The following SGMS1 variants were observed in gnomAD, a reference collection of about 807,000 sequenced individuals.
The protein encoded by SGMS1 is phosphatidylcholine:ceramide cholinephosphotransferase 1.
A neutral mutation model predicts 46.2 loss-of-function variants in SGMS1; 13 were observed. The ratio of observed to expected loss-of-function variants is 0.28; its 90% CI spans 0.18 to 0.45. The LOEUF is 0.45. Ranked by LOEUF, SGMS1 falls within the 20% of genes least tolerant of loss-of-function variation. The pLI is 1.00. For missense variants in SGMS1, 324 were observed against 519.9 expected (o/e 0.62, Z 3.66); for synonymous variants, 203 against 187.8 (o/e 1.08, Z -0.66).
intron 5 of SGMS1, among the ~76,000 whole-genome samples, chr10:50,438,252 T>G (rs966809311): frequency 6.6e-6 from 1 of 152,198 alleles, no homozygotes; most frequent in South Asian, 2.1e-4. Flanking sequence ...TTGTAGCCAA[T>G]AGAATAAGGC....
intron 6 of SGMS1, among the ~76,000 whole-genome samples, chr10:50,425,292 A>G (rs1849310695): frequency 6.6e-6 from 1 of 152,142 alleles, no homozygotes; most frequent in Admixed American, 6.5e-5. Flanking sequence ...AGACAGATGC[A>G]TTTATATGTT....
At chr10:50,520,666 A>C (rs1837849674) in intron 2 of SGMS1, among the ~76,000 whole-genome samples, 1 of 152,152 alleles carries the variant, frequency 6.6e-6, no homozygotes, top group Admixed American at 6.5e-5. Context: ...TTCAACTTGA[A>C]CAGCAATATT....
At chr10:50,576,519 G>A (rs1317727882) in intron 2 of SGMS1, among the ~76,000 whole-genome samples, 3 of 152,154 alleles carry the variant, frequency 2.0e-5, no homozygotes, top group Admixed American at 2.0e-4. Context: ...AAAGCAGGGG[G>A]AGTCCCATAA....
chr10:50,599,706 T>C (rs1366568392), intron 1 of SGMS1, among the ~76,000 whole-genome samples: 1 of 151,884 alleles, frequency 6.6e-6, no homozygotes, highest in Non-Finnish European at 1.5e-5. Flanking sequence ...CTATTAAAAA[T>C]ACAAAAATTA....
chr10:50,412,466 A>G (rs1849114258), intron 6 of SGMS1, among the ~76,000 whole-genome samples: 1 of 152,140 alleles, frequency 6.6e-6, no homozygotes, highest in Non-Finnish European at 1.5e-5. Flanking sequence ...ACAAAAATTC[A>G]CACCATTAAG....
At chr10:50,315,989 C>T (rs1423061524) in intron 8 of SGMS1, among the ~76,000 whole-genome samples, 1 of 152,180 alleles carries the variant, frequency 6.6e-6, no homozygotes, top group Non-Finnish European at 1.5e-5. Context: ...CTATCAGGTA[C>T]ATTTAGAACC....
intron 6 of SGMS1, among the ~76,000 whole-genome samples, chr10:50,427,560 G>C (rs1043965401): frequency 3.6e-4 from 55 of 152,312 alleles, no homozygotes; most frequent in African/African-American, 1.1e-3. Context: ...GCTAAGGAAG[G>C]GGGGAAAGAG....
In SGMS1 at chr10:50,405,872, AAGAGATGAAC is replaced by A. The variant is rs1487192899; in HGVS notation, c.-232+27594_-232+27603del. Among the ~76,000 whole-genome samples the A allele has an allele frequency of 1.5e-4, 23 of 152,348 alleles. No homozygotes were observed. The East Asian group carries it at 4.4e-3, about 29-fold the overall frequency. On this transcript the variant is annotated intron_variant, in intron 6 of 10. Coordinates refer to ENST00000361781, the MANE Select transcript of SGMS1 (RefSeq NM_147156.4). The stretch of plus-strand genomic sequence containing the variant: ...ATATTCATGTATTTATCCAAGGTTT[AAGAGATGAAC>A]AGTAAAACTAAAATACTTAATCCTC...
intron 6 of SGMS1, among the ~76,000 whole-genome samples, chr10:50,389,410 T>C (rs968870855): frequency 6.6e-5 from 10 of 152,232 alleles, no homozygotes; most frequent in African/African-American, 1.9e-4. Context: ...CTTACCACCT[T>C]GTATCTGGGG....
chr10:50,543,685 C>T (rs1838075543), intron 2 of SGMS1, among the ~76,000 whole-genome samples: 1 of 152,176 alleles, frequency 6.6e-6, no homozygotes, highest in South Asian at 2.1e-4. Flanking sequence ...CCTTACGAAT[C>T]CCAAAAGCCA....
chr10:50,414,326 G>A, intron 6 of SGMS1, among the ~76,000 whole-genome samples: 1 of 152,166 alleles, frequency 6.6e-6, no homozygotes, highest in South Asian at 2.1e-4. Context: ...ACTGCTTGAG[G>A]TTGCAGTGAG....
At chr10:50,604,426 T>G (rs1838675953) in intron 1 of SGMS1, among the ~76,000 whole-genome samples, 1 of 152,170 alleles carries the variant, frequency 6.6e-6, no homozygotes, top group Admixed American at 6.5e-5. Flanking sequence ...ATGCACAACA[T>G]ATAACAGACT....
chr10:50,595,334 C>G (rs1375848228), intron 1 of SGMS1, among the ~76,000 whole-genome samples: 2 of 152,140 alleles, frequency 1.3e-5, no homozygotes, highest in Non-Finnish European at 2.9e-5. Flanking sequence ...CACCACCATG[C>G]CTGGCTAACG....
intron 2 of SGMS1, among the ~76,000 whole-genome samples, chr10:50,529,683 T>C (rs1837935437): frequency 6.6e-6 from 1 of 152,190 alleles, no homozygotes; most frequent in Non-Finnish European, 1.5e-5. Context: ...AAAAATGCCA[T>C]CTAATCGACT....
intron 1 of SGMS1, among the ~76,000 whole-genome samples, chr10:50,601,217 G>C (rs976512791): frequency 1.3e-5 from 2 of 152,172 alleles, no homozygotes; most frequent in African/African-American, 4.8e-5. Flanking sequence ...AAGGATGCAG[G>C]GGTAAGAGGA....
intron 6 of SGMS1, among the ~76,000 whole-genome samples, chr10:50,410,659 C>T (rs954933812): frequency 1.3e-5 from 2 of 152,184 alleles, no homozygotes; most frequent in South Asian, 2.1e-4. Flanking sequence ...GAGGACTCAG[C>T]GGTATTCACC....
intron 2 of SGMS1, among the ~76,000 whole-genome samples, chr10:50,587,539 G>A (rs532358695): frequency 2.1e-4 from 32 of 152,102 alleles, no homozygotes; most frequent in Admixed American, 3.9e-4. Flanking sequence ...AGGAAGAATC[G>A]CTTGAACCCA....
chr10:50,391,270 T>G (rs1589420498), intron 6 of SGMS1, among the ~76,000 whole-genome samples: 1 of 152,238 alleles, frequency 6.6e-6, no homozygotes, highest in Admixed American at 6.5e-5. Flanking sequence ...ATCTTCCACT[T>G]TTCTCTGACT....
At chr10:50,547,627 G>A (rs1838112634) in intron 2 of SGMS1, among the ~76,000 whole-genome samples, 1 of 152,088 alleles carries the variant, frequency 6.6e-6, no homozygotes, top group Non-Finnish European at 1.5e-5. Context: ...AAGAAGAGCT[G>A]GTACTATTTC....
Sources: allele counts gnomAD v4.1 joint callset (sites outside exome capture counted in the v4.1 genomes callset), GRCh38; gene constraint gnomAD v4.1.1; transcripts MANE v1.5; gene names NCBI Gene and HGNC (gene_info 2026-07-23, HGNC 2026-07-21).